Variants in EBF2 observed in about 807,000 individuals in gnomAD.
The protein encoded by EBF2 is EBF transcription factor 2.
Under a neutral mutation model 72.8 loss-of-function variants are expected in EBF2, and 21 were observed. The ratio of observed to expected loss-of-function variants is 0.29; its 90% CI spans 0.20 to 0.42. The LOEUF is 0.42. EBF2 is among the 10% of genes least tolerant of loss of function. EBF2 has a pLI of 1.00. For missense variants in EBF2, 637 were observed against 731.2 expected (o/e 0.87, Z 1.49); for synonymous variants, 299 against 274.2 (o/e 1.09, Z -0.89).
At chr8:25,997,350 G>A (rs913895880) in intron 6 of EBF2, among the ~76,000 whole-genome samples, 10 of 152,060 alleles carry the variant, frequency 6.6e-5, no homozygotes, top group South Asian at 2.1e-4. Context: ...GCAGGCAGAC[G>A]GTTTGAGCTC....
intron 6 of EBF2, among the ~76,000 whole-genome samples, chr8:26,024,083 C>A (rs1294281290): frequency 6.6e-6 from 1 of 152,198 alleles, no homozygotes; most frequent in Non-Finnish European, 1.5e-5. Flanking sequence ...CTCTTACTGT[C>A]TCTCGTCACA....
chr8:25,893,058 A>T (rs958499763), intron 7 of EBF2, among the ~76,000 whole-genome samples: 1 of 152,214 alleles, frequency 6.6e-6, no homozygotes, highest in Non-Finnish European at 1.5e-5. Flanking sequence ...GTTACAGTCG[A>T]AGGGAGAGGC....
At chr8:26,036,392 T>A (rs190576649) in intron 5 of EBF2, among the ~76,000 whole-genome samples, 10 of 152,312 alleles carry the variant, frequency 6.6e-5, no homozygotes, top group African/African-American at 2.2e-4. Context: ...TCTCTAATGC[T>A]GATATTCAGC....
intron 7 of EBF2, among the ~76,000 whole-genome samples, chr8:25,897,261 C>T (rs1802876152): frequency 6.6e-6 from 1 of 151,920 alleles, no homozygotes; most frequent in Admixed American, 6.6e-5. Context: ...CAAGTTTAAA[C>T]TGATATACTT....
intron 6 of EBF2, among the ~76,000 whole-genome samples, chr8:26,021,874 ATAC>A (rs1406979003): frequency 6.6e-6 from 1 of 152,212 alleles, no homozygotes; most frequent in Non-Finnish European, 1.5e-5. Flanking sequence ...GGTTATTATC[ATAC>A]TACAAGAACA....
chr8:25,898,544 C>A lies in EBF2; in HGVS notation c.634-8675G>T, dbSNP rs144191754. ...GAATGTCTCTTCATCTTAAAGGCCA[C>A]AGATACTTGCTACTCCCACCCTAGC... On this transcript the variant is annotated intron_variant, in intron 7 of 15. Coordinates refer to ENST00000520164, the MANE Select transcript of EBF2 (RefSeq NM_022659.4). Among the ~76,000 whole-genome samples the A allele has an allele frequency of 3.9e-5, 6 of 152,174 alleles. No homozygotes were observed. In the East Asian group the frequency reaches 1.2e-3, roughly 29 times the overall value.
chr8:25,979,434 A>C (rs1485262443), intron 6 of EBF2, among the ~76,000 whole-genome samples: 1 of 152,192 alleles, frequency 6.6e-6, no homozygotes, highest in Non-Finnish European at 1.5e-5. Flanking sequence ...CGTGCTGCGT[A>C]ATATTTTTAA....
intron 5 of EBF2, among the ~76,000 whole-genome samples, chr8:26,038,416 T>C (rs1266296060): frequency 2.0e-5 from 3 of 152,166 alleles, no homozygotes; most frequent in African/African-American, 7.2e-5. Context: ...GAGGATTTGA[T>C]TGGGCTTAAA....
At chr8:26,001,636 A>G (rs1272280782) in intron 6 of EBF2, among the ~76,000 whole-genome samples, 1 of 151,668 alleles carries the variant, frequency 6.6e-6, no homozygotes, top group Non-Finnish European at 1.5e-5. Context: ...TGCAACCTCC[A>G]CCTCCGAGTT....
chr8:25,966,416 G>A (rs915597885), intron 6 of EBF2, among the ~76,000 whole-genome samples: 30 of 152,246 alleles, frequency 2.0e-4, no homozygotes, highest in African/African-American at 6.7e-4. Context: ...GGGACTCAGA[G>A]GAAATCACTT....
Position 25,888,121 on chromosome 8 carries a change from A to G in EBF2, c.752-149T>C, listed in dbSNP as rs1348602667. On this transcript the variant is annotated intron_variant, in intron 8 of 15. Transcript: ENST00000520164. ...GATAACTGATGAGCTAACAAACAAC[A>G]AACAAAAAAGGTCCATGTATAATTT... The G allele has an allele frequency of 5.6e-6, 5 of 894,958 alleles. No individual in the cohort carries two copies. The East Asian group carries it at 1.4e-4, about 25-fold the overall frequency. The allele number at this position is 894,958 out of a possible 1,614,324, so 55.4% of individuals were successfully genotyped here. A position where few individuals can be genotyped will look rare whatever the true frequency, so the allele number is the denominator to read the frequency against.
chr8:26,043,422 C>A (rs921590620), intron 1 of EBF2, among the ~76,000 whole-genome samples: 5 of 152,242 alleles, frequency 3.3e-5, no homozygotes, highest in African/African-American at 1.2e-4. Flanking sequence ...GCGAGGGAGG[C>A]GTCTTTAAGG....
chr8:25,919,062 A>T (rs1803269027), intron 6 of EBF2, among the ~76,000 whole-genome samples: 1 of 152,194 alleles, frequency 6.6e-6, no homozygotes, highest in Non-Finnish European at 1.5e-5. Flanking sequence ...TTAGGACTGT[A>T]TCCATTCGGT....
At chr8:26,000,361 G>C (rs768450873) in intron 6 of EBF2, among the ~76,000 whole-genome samples, 1 of 152,144 alleles carries the variant, frequency 6.6e-6, no homozygotes, top group Non-Finnish European at 1.5e-5. Flanking sequence ...GGGTCCAGTG[G>C]TAAGTCTTGG....
In EBF2 at chr8:26,040,023, C is replaced by G. The variant is rs1210229438; in HGVS notation, c.482+5G>C. 1 of 1,613,490 alleles carries G rather than the reference C, an allele frequency of 6.2e-7. No individual in the cohort carries two copies. Among genetic ancestry groups the G allele is most frequent in the Non-Finnish European group, 8.5e-7 (1 of 1,179,704 alleles). ...CAGGAAGGCCTGGGAAAAGGCGGCTCTTACCTACACATCACTTCGTGCGTC... is the reference window on the plus strand; with the variant it reads ...CAGGAAGGCCTGGGAAAAGGCGGCTGTTACCTACACATCACTTCGTGCGTC... On this transcript the variant is annotated splice_donor_5th_base_variant and intron_variant, in intron 5 of 15. Transcript: ENST00000520164.
chr8:25,883,383 C>G (rs1305701721), intron 10 of EBF2, among the ~76,000 whole-genome samples: 1 of 150,664 alleles, frequency 6.6e-6, no homozygotes, highest in African/African-American at 2.5e-5. Flanking sequence ...GGGGCTGAAT[C>G]TAGTTATTGT....
Position 26,045,009 on chromosome 8 carries a change from A to AT in EBF2, c.-151_-150insA. 1.2e-6 allele frequency: 1 copy of AT among 830,074 alleles called. No individual in the cohort carries two copies. The highest frequency in any genetic ancestry group is 1.8e-6 in the Non-Finnish European group (1 of 550,298). 51.4% of individuals were successfully genotyped at this position (830,074 alleles called of 1,614,324 possible). On this transcript the variant is annotated 5_prime_UTR_variant, in exon 1 of 16. Transcript: ENST00000520164. ...AGTTTGAGTCTTAGAAAAAAAAAAA[A>AT]GATAACCCGTCCTTTGCTTCACTGG...
At chr8:26,005,884 C>T (rs1804873155) in intron 6 of EBF2, among the ~76,000 whole-genome samples, 1 of 151,184 alleles carries the variant, frequency 6.6e-6, no homozygotes, top group Non-Finnish European at 1.5e-5. Context: ...CTTTGAAGCA[C>T]TGACTTCAAA....
intron 10 of EBF2, among the ~76,000 whole-genome samples, chr8:25,866,985 T>C (rs1802342374): frequency 1.3e-5 from 2 of 152,194 alleles, no homozygotes; most frequent in South Asian, 4.1e-4. Flanking sequence ...ATGGAAGTAA[T>C]GTATCATTTT....
Sources: gnomAD v4.1 joint callset for allele counts (sites outside exome capture counted in the v4.1 genomes callset) on GRCh38, gnomAD v4.1.1 for gene constraint, MANE v1.5 for transcripts, NCBI Gene and HGNC (gene_info 2026-07-23, HGNC 2026-07-21) for gene names.